Variants in RNF130 observed in about 807,000 individuals in gnomAD.
RNF130 encodes E3 ubiquitin-protein ligase RNF130.
In RNF130, 21 loss-of-function variants were observed where a neutral mutation model predicts 44.6. The ratio of observed to expected loss-of-function variants is 0.47; its 90% confidence interval spans 0.33 to 0.68. The LOEUF (loss-of-function observed/expected upper bound fraction) is 0.68. RNF130 is among the 30% of genes least tolerant of loss of function. RNF130 has a pLI of 0.02. For synonymous variants in RNF130, 214 were observed against 210.4 expected, an observed-to-expected ratio of 1.02 and a Z score of -0.15; for missense variants, 479 against 560.6, an observed-to-expected ratio of 0.85 and a Z score of 1.47.
chr5:179,957,874 CA>C (rs1762243699), intron 8 of RNF130, among the ~76,000 whole-genome samples: 1 of 127,104 alleles, frequency 7.9e-6, no homozygotes, highest in Non-Finnish European at 1.6e-5. Context: ...ACTAAAAATT[CA>C]AAATTCTTTT....
chr5:179,948,983 T>TA (rs1762085971), intron 7 of RNF130, among the ~76,000 whole-genome samples: 1 of 149,102 alleles, frequency 6.7e-6, no homozygotes, highest in Admixed American at 6.7e-5. Context: ...TTTTTTTTTT[T>TA]GAGATGGAGT....
At chr5:180,003,041 G>A (rs1763381537) in intron 3 of RNF130, among the ~76,000 whole-genome samples, 1 of 152,070 alleles carries the variant, frequency 6.6e-6, no homozygotes, top group African/African-American at 2.4e-5. Flanking sequence ...GATGCTATTT[G>A]AGGCTTGGAG....
chr5:179,992,803 C>T (rs1243201280), intron 3 of RNF130, among the ~76,000 whole-genome samples: 1 of 152,092 alleles, frequency 6.6e-6, no homozygotes, highest in Non-Finnish European at 1.5e-5. Context: ...TATACATGTG[C>T]CATGTTGGTG....
chr5:179,998,859 T>TATATATATATATATATA lies in RNF130; in HGVS notation c.693+14201_693+14202insTATATATATATATATAT, dbSNP rs1554103680. ...TCTCTCTCTTTAGATCTAGTATTTT[T>TATATATATATATATATA]TATATATATATATATATATATATAT... On this transcript the variant is annotated intron_variant, in intron 3 of 8. Coordinates refer to ENST00000521389, the MANE Select transcript of RNF130 (RefSeq NM_018434.6). 3.7e-3 allele frequency among the ~76,000 whole-genome samples: 324 copies of TATATATATATATATATA among 88,554 alleles called. 1 individual carries two copies. Among genetic ancestry groups the TATATATATATATATATA allele is most frequent in the African/African-American group, 9.3e-3 (219 of 23,546 alleles). The allele number at this position is 88,554 out of a possible 152,430, so 58.1% of individuals were successfully genotyped here.
chr5:180,068,039 T>C (rs1356823233), intron 1 of RNF130, among the ~76,000 whole-genome samples: 1 of 152,240 alleles, frequency 6.6e-6, no homozygotes, highest in Non-Finnish European at 1.5e-5. Flanking sequence ...GGTAAAATTA[T>C]TCTCTAAGGC....
intron 1 of RNF130, among the ~76,000 whole-genome samples, chr5:180,059,764 C>T (rs1004113150): frequency 6.6e-6 from 1 of 152,188 alleles, no homozygotes; most frequent in Non-Finnish European, 1.5e-5. Context: ...GAATAATCTG[C>T]AGACAGTGTG....
chr5:180,004,546 G>T (rs901986861), intron 3 of RNF130, among the ~76,000 whole-genome samples: 1 of 152,200 alleles, frequency 6.6e-6, no homozygotes, highest in Non-Finnish European at 1.5e-5. Flanking sequence ...AGCTTGAGGG[G>T]TTTGTTAGGG....
At chr5:180,035,285 G>A (rs538975206) in intron 2 of RNF130, among the ~76,000 whole-genome samples, 32 of 152,242 alleles carry the variant, frequency 2.1e-4, no homozygotes, top group African/African-American at 3.8e-4. Context: ...TATTGGACCC[G>A]TGTGTTATTT....
intron 3 of RNF130, among the ~76,000 whole-genome samples, chr5:180,011,053 T>C (rs1333272608): frequency 6.6e-6 from 1 of 152,256 alleles, no homozygotes; most frequent in Non-Finnish European, 1.5e-5. Flanking sequence ...TTTGTATTTG[T>C]ATTATCTCTT....
intron 1 of RNF130, among the ~76,000 whole-genome samples, chr5:180,045,451 G>A (rs932267634): frequency 2.6e-5 from 4 of 152,184 alleles, no homozygotes; most frequent in African/African-American, 9.7e-5. Context: ...AAAGACCGCA[G>A]GGACCCAAAC....
intron 7 of RNF130, among the ~76,000 whole-genome samples, chr5:179,948,855 C>T (rs1281385506): frequency 6.6e-6 from 1 of 151,602 alleles, no homozygotes; most frequent in Non-Finnish European, 1.5e-5. Flanking sequence ...GCTAAGACTG[C>T]CTTAAGCTGC....
intron 7 of RNF130, among the ~76,000 whole-genome samples, chr5:179,929,381 G>A (rs930224048): frequency 6.6e-6 from 1 of 152,150 alleles, no homozygotes; most frequent in Non-Finnish European, 1.5e-5. Context: ...TTGATTTCCA[G>A]TATCTAAGTC....
intron 6 of RNF130, among the ~76,000 whole-genome samples, chr5:179,968,618 A>T (rs1386261896): frequency 3.3e-5 from 5 of 150,218 alleles, no homozygotes; most frequent in Admixed American, 2.7e-4. Context: ...GTGAGCTGAG[A>T]TCACACCACT....
At chr5:179,975,255 G>C (rs923901178) in intron 5 of RNF130, among the ~76,000 whole-genome samples, 1 of 152,270 alleles carries the variant, frequency 6.6e-6, no homozygotes, top group African/African-American at 2.4e-5. Flanking sequence ...AGGCGCAGCT[G>C]CGAGTGGCAT....
intron 2 of RNF130, among the ~76,000 whole-genome samples, chr5:180,038,888 G>A (rs1452717692): frequency 6.6e-6 from 1 of 152,102 alleles, no homozygotes; most frequent in Admixed American, 6.5e-5. Context: ...CATGTTTTAA[G>A]TAAAGAAGAA....
rs184498973 is a variant in RNF130 at position 179,935,141 on chromosome 5, C to T, written c.1151-14715G>A. Among the ~76,000 whole-genome samples the T allele has an allele frequency of 1.1e-4, 16 of 152,008 alleles. No homozygotes were observed. In the East Asian group the frequency reaches 2.9e-3, roughly 28 times the overall value. On this transcript the variant is annotated intron_variant, in intron 7 of 7. Transcript: ENST00000522208. ...CTTTTGGAAGTATATTGTTTAATTCCAAACATTTGGGGATCATTCTAATTA... is the reference window on the plus strand; with the variant it reads ...CTTTTGGAAGTATATTGTTTAATTCTAAACATTTGGGGATCATTCTAATTA...
chr5:179,973,949 C>T (rs1030118996), intron 5 of RNF130, among the ~76,000 whole-genome samples: 19 of 152,226 alleles, frequency 1.2e-4, no homozygotes, highest in African/African-American at 3.4e-4. Context: ...AAGGAACAAA[C>T]CCAGCAATCA....
At chr5:179,930,058 T>C (rs546010564) in intron 7 of RNF130, among the ~76,000 whole-genome samples, 1 of 152,300 alleles carries the variant, frequency 6.6e-6, no homozygotes, top group South Asian at 2.1e-4. Context: ...TATTTATTTA[T>C]CTTTTATTTA....
intron 7 of RNF130, among the ~76,000 whole-genome samples, chr5:179,921,145 C>T (rs1360131866): frequency 1.3e-5 from 2 of 152,062 alleles, no homozygotes; most frequent in South Asian, 4.1e-4. Context: ...CAATGAAAAG[C>T]ACATGTTTAA....
Sources: gnomAD v4.1 joint callset for allele counts (sites outside exome capture counted in the v4.1 genomes callset) on GRCh38, gnomAD v4.1.1 for gene constraint, MANE v1.5 for transcripts, NCBI Gene and HGNC (gene_info 2026-07-23, HGNC 2026-07-21) for gene names.